The following PCA3 variants were observed in gnomAD, a reference collection of about 807,000 sequenced individuals.
PCA3 encodes the protein prostate cancer associated 3.
intron 2 of PCA3, among the ~76,000 whole-genome samples, chr9:76,774,450 CTTTTTTTTTTTTTTTTT>C (rs869289049): frequency 2.9e-4 from 12 of 41,402 alleles, no homozygotes; most frequent in Admixed American, 9.9e-4. Flanking sequence ...CAGTTCAACC[CTTTTTTTTTTTTTTTTT>C]TTTTTTTTTT....
chr9:76,777,891 G>A (rs1193908965), intron 2 of PCA3, among the ~76,000 whole-genome samples: 2 of 152,196 alleles, frequency 1.3e-5, no homozygotes, highest in Admixed American at 6.5e-5. Flanking sequence ...TTTCTAGTCA[G>A]AGAGGGGACA....
chr9:76,768,788 A>G (rs1361338514), intron 2 of PCA3, among the ~76,000 whole-genome samples: 1 of 152,162 alleles, frequency 6.6e-6, no homozygotes, highest in African/African-American at 2.4e-5. Flanking sequence ...ATTTAATCAC[A>G]AATCACTGGA....
At chr9:76,785,619 G>A (rs1026370582) in intron 2 of PCA3, 4 of 152,120 alleles carry the variant, frequency 2.6e-5, no homozygotes, top group South Asian at 2.1e-4. Flanking sequence ...TTTGAGATGT[G>A]TTTGTCCTTG....
chr9:76,782,732 G>A (rs987398388), intron 2 of PCA3: 5 of 152,192 alleles, frequency 3.3e-5, no homozygotes, highest in African/African-American at 4.8e-5. Context: ...GAGCTAGTCC[G>A]CTGTGAGTCT....
At chr9:76,782,893 A>G (rs2054572346) in intron 2 of PCA3, 1 of 152,210 alleles carries the variant, frequency 6.6e-6, no homozygotes, top group South Asian at 2.1e-4. Flanking sequence ...CTTTAACCAT[A>G]TACCTGCTAT....
intron 2 of PCA3, among the ~76,000 whole-genome samples, chr9:76,770,003 G>A (rs2052914148): frequency 6.6e-6 from 1 of 152,048 alleles, no homozygotes; most frequent in African/African-American, 2.4e-5. Flanking sequence ...CCATTTCTTA[G>A]GATTAAAAAC....
At chr9:76,781,869 G>A (rs1044429736) in intron 2 of PCA3, among the ~76,000 whole-genome samples, 2 of 152,174 alleles carry the variant, frequency 1.3e-5, no homozygotes, top group Non-Finnish European at 2.9e-5. Context: ...AATGAATGGA[G>A]ATGTTGGAGT....
intron 2 of PCA3, among the ~76,000 whole-genome samples, chr9:76,768,025 G>A (rs1371689173): frequency 3.3e-5 from 5 of 152,164 alleles, no homozygotes; most frequent in South Asian, 2.1e-4. Flanking sequence ...CCAGCTATAC[G>A]TGCATCACAG....
intron 2 of PCA3, among the ~76,000 whole-genome samples, chr9:76,772,740 T>A (rs1323394717): frequency 2.0e-5 from 3 of 152,070 alleles, no homozygotes; most frequent in Non-Finnish European, 2.9e-5. Context: ...ATTGTTTAAT[T>A]TTTTGTAGAG....
intron 2 of PCA3, among the ~76,000 whole-genome samples, chr9:76,770,984 C>T (rs2053037231): frequency 6.6e-6 from 1 of 152,090 alleles, no homozygotes; most frequent in Non-Finnish European, 1.5e-5. Flanking sequence ...GACACTGTAA[C>T]ACTTACTAAA....
chr9:76,766,193 A>AAG (rs1268071103), intron 2 of PCA3, among the ~76,000 whole-genome samples: 1 of 151,802 alleles, frequency 6.6e-6, no homozygotes, highest in Non-Finnish European at 1.5e-5. Flanking sequence ...AAAAAAAAAA[A>AAG]AAAAACTCTT....
At chr9:76,767,375 C>G (rs952507692) in intron 2 of PCA3, among the ~76,000 whole-genome samples, 1 of 151,662 alleles carries the variant, frequency 6.6e-6, no homozygotes, top group African/African-American at 2.4e-5. Flanking sequence ...AGCTTGAACT[C>G]GGGAGGCAGA....
At chr9:76,787,000 C>T (rs901070412) in intron 2 of PCA3, 1 of 152,162 alleles carries the variant, frequency 6.6e-6, no homozygotes, top group Non-Finnish European at 1.5e-5. Context: ...AGGAGCAAGA[C>T]CTGAGATGCT....
At chr9:76,768,200 C>CT (rs58313419) in intron 2 of PCA3, among the ~76,000 whole-genome samples, 20,695 of 148,750 alleles carry the variant, frequency 0.14, 2,268 homozygotes, top group East Asian at 0.39. Flanking sequence ...AATGATTTTC[C>CT]TTTTTTTTTT....
intron 2 of PCA3, chr9:76,785,131 AC>A (rs1401085592): frequency 6.6e-6 from 1 of 151,806 alleles, no homozygotes; most frequent in Non-Finnish European, 1.5e-5. Flanking sequence ...ATCACCATCA[AC>A]CCCTCCCATG....
intron 2 of PCA3, among the ~76,000 whole-genome samples, chr9:76,781,756 C>G (rs559979151): frequency 6.6e-6 from 1 of 152,198 alleles, no homozygotes; most frequent in Non-Finnish European, 1.5e-5. Flanking sequence ...TCGTACCTAG[C>G]ACATAGCATA....
At chr9:76,772,204 T>C (rs1487936474) in intron 2 of PCA3, among the ~76,000 whole-genome samples, 1 of 152,220 alleles carries the variant, frequency 6.6e-6, no homozygotes, top group Non-Finnish European at 1.5e-5. Context: ...GAACCACTTT[T>C]TGAGAAGACA....
At chr9:76,773,877 C>T (rs577235162) in intron 2 of PCA3, among the ~76,000 whole-genome samples, 2 of 151,978 alleles carry the variant, frequency 1.3e-5, no homozygotes, top group East Asian at 1.9e-4. Context: ...AATAACCCCA[C>T]AGAAAAAAGG....
intron 2 of PCA3, among the ~76,000 whole-genome samples, chr9:76,771,857 A>G (rs770719467): frequency 6.6e-5 from 10 of 152,162 alleles, no homozygotes; most frequent in Non-Finnish European, 1.3e-4. Context: ...TTTGCAGACC[A>G]CACCCTAAGT....
Sources: allele counts gnomAD v4.1 joint callset (sites outside exome capture counted in the v4.1 genomes callset), GRCh38; gene constraint gnomAD v4.1.1; transcripts MANE v1.5; gene names NCBI Gene and HGNC (gene_info 2026-07-23, HGNC 2026-07-21).